The following OR14I1 variants were observed in gnomAD, a reference collection of about 807,000 sequenced individuals.
OR14I1 encodes olfactory receptor 14I1.
For missense variants in OR14I1, 279 were observed against 181.8 expected (o/e 1.53, Z -3.07); for synonymous variants, 118 against 71.1 (o/e 1.66, Z -3.32).
chr1:248,698,127 T>G, the OR14I1 span, among the ~76,000 whole-genome samples: 1 of 152,212 alleles, frequency 6.6e-6, no homozygotes, highest in Non-Finnish European at 1.5e-5. Context: ...CTTCCTGAAG[T>G]TCATCTAAGT....
At chr1:248,679,635 G>A (rs1248957828), downstream of OR14I1, among the ~76,000 whole-genome samples, 2 of 152,016 alleles carry the variant, frequency 1.3e-5, no homozygotes, top group Non-Finnish European at 2.9e-5. Context: ...AGTCACTCAG[G>A]AACACTCACA....
At chr1:248,685,172 TACCTC>T (rs1661628414), upstream of OR14I1, among the ~76,000 whole-genome samples, 1 of 151,992 alleles carries the variant, frequency 6.6e-6, no homozygotes, top group South Asian at 2.1e-4. Context: ...TTAAATAAAA[TACCTC>T]ACATATTAAA....
chr1:248,686,653 G>A (rs887744830), upstream of OR14I1, among the ~76,000 whole-genome samples: 27 of 148,940 alleles, frequency 1.8e-4, 3 homozygotes, highest in African/African-American at 6.1e-4. Flanking sequence ...AAGCAAACAT[G>A]TCTTGATTTT....
At chr1:248,689,359 G>A in the OR14I1 span, among the ~76,000 whole-genome samples, 1 of 152,166 alleles carries the variant, frequency 6.6e-6, no homozygotes, top group African/African-American at 2.4e-5. Context: ...AAAAACACAT[G>A]ATATGCTGTC....
upstream of OR14I1, among the ~76,000 whole-genome samples, chr1:248,684,794 A>ATATATATAT (rs1661619625): frequency 6.6e-6 from 1 of 151,752 alleles, no homozygotes; most frequent in African/African-American, 2.4e-5. Flanking sequence ...ACACACAGAT[A>ATATATATAT]AGCTTGTATA....
At chr1:248,682,481 A>G (rs896985339), upstream of OR14I1, among the ~76,000 whole-genome samples, 1 of 152,236 alleles carries the variant, frequency 6.6e-6, no homozygotes, top group African/African-American at 2.4e-5. Flanking sequence ...ACATGGAAAG[A>G]TCATAAAAAA....
At chr1:248,696,290 A>G in the OR14I1 span, among the ~76,000 whole-genome samples, 1 of 152,194 alleles carries the variant, frequency 6.6e-6, no homozygotes, top group Non-Finnish European at 1.5e-5. Flanking sequence ...TCTTCAGGGA[A>G]ATACCATGGC....
the OR14I1 span, among the ~76,000 whole-genome samples, chr1:248,688,438 GC>G: frequency 6.6e-6 from 1 of 152,206 alleles, no homozygotes; most frequent in Non-Finnish European, 1.5e-5. Context: ...TAGTTTTTCT[GC>G]CAAAAAGTTG....
chr1:248,687,243 G>T (rs537219625), upstream of OR14I1, among the ~76,000 whole-genome samples: 52 of 152,264 alleles, frequency 3.4e-4, no homozygotes, highest in South Asian at 0.01. Context: ...ACAAAACCCA[G>T]ACATTTAAGT....
exon 1 of OR14I1, chr1:248,682,275 G>T: frequency 1.3e-6 from 1 of 755,618 alleles, no homozygotes; most frequent in Non-Finnish European, 2.5e-6. Flanking sequence ...CCATCAGCAG[G>T]AATTCTGTCA....
At chr1:248,689,577 C>T in the OR14I1 span, among the ~76,000 whole-genome samples, 1 of 152,194 alleles carries the variant, frequency 6.6e-6, no homozygotes, top group East Asian at 1.9e-4. Flanking sequence ...TAGTGGGTAT[C>T]TACACTTGGG....
upstream of OR14I1, among the ~76,000 whole-genome samples, chr1:248,684,745 T>TAC (rs201450528): frequency 4.4e-3 from 196 of 44,070 alleles, no homozygotes; most frequent in East Asian, 0.16. Context: ...TATTTATAAA[T>TAC]ACACACACAT....
the OR14I1 span, among the ~76,000 whole-genome samples, chr1:248,700,525 G>A: frequency 6.6e-6 from 1 of 152,104 alleles, no homozygotes; most frequent in African/African-American, 2.4e-5. Flanking sequence ...CAAACTCATG[G>A]CATAAATACA....
the OR14I1 span, among the ~76,000 whole-genome samples, chr1:248,699,910 A>G: frequency 6.6e-6 from 1 of 152,160 alleles, no homozygotes; most frequent in Non-Finnish European, 1.5e-5. Context: ...GGCACGTGCC[A>G]CCACGCCCAG....
At chr1:248,689,702 TGA>T in the OR14I1 span, among the ~76,000 whole-genome samples, 1 of 152,188 alleles carries the variant, frequency 6.6e-6, no homozygotes, top group African/African-American at 2.4e-5. Context: ...ATTCAGGACT[TGA>T]ACTCAGCTCT....
At chr1:248,702,734 A>G in the OR14I1 span, among the ~76,000 whole-genome samples, 1 of 152,158 alleles carries the variant, frequency 6.6e-6, no homozygotes, top group Non-Finnish European at 1.5e-5. Flanking sequence ...AGCCAGAATG[A>G]TGTGGGCCTG....
upstream of OR14I1, among the ~76,000 whole-genome samples, chr1:248,685,161 A>G (rs1357429504): frequency 3.3e-5 from 5 of 151,994 alleles, no homozygotes; most frequent in Non-Finnish European, 5.9e-5. Context: ...GACATTATAG[A>G]TTAAATAAAA....
the OR14I1 span, among the ~76,000 whole-genome samples, chr1:248,690,079 T>C: frequency 6.6e-6 from 1 of 152,144 alleles, no homozygotes; most frequent in Non-Finnish European, 1.5e-5. Context: ...GCTAAAGCAG[T>C]GTTTAGAGGG....
At chr1:248,693,915 AAC>A in the OR14I1 span, among the ~76,000 whole-genome samples, 208 of 151,848 alleles carry the variant, frequency 1.4e-3, no homozygotes, top group African/African-American at 4.7e-3. Context: ...AAAAAAAAAA[AAC>A]CATTTACTGG....
Sources: gnomAD v4.1 joint callset for allele counts (sites outside exome capture counted in the v4.1 genomes callset) on GRCh38, gnomAD v4.1.1 for gene constraint, MANE v1.5 for transcripts, NCBI Gene and HGNC (gene_info 2026-07-23, HGNC 2026-07-21) for gene names.